DOCK2: variants seen among roughly 807,000 people sequenced by gnomAD.
DOCK2 encodes the protein dedicator of cytokinesis protein 2.
In DOCK2, 87 loss-of-function variants were observed where a neutral mutation model predicts 248.9. That is an observed-to-expected ratio of 0.35 (90% CI 0.29 to 0.42). The LOEUF (loss-of-function observed/expected upper bound fraction) is 0.42, where lower values mean the gene tolerates loss of function less well. DOCK2 is among the 10% of genes least tolerant of loss of function. The probability of loss-of-function intolerance (pLI) is 1.00; values close to 1 mark genes in which losing one functional copy is unlikely to be tolerated. For synonymous variants in DOCK2, 805 were observed against 821.6 expected, an observed-to-expected ratio of 0.98 and a Z score of 0.35; for missense variants, 1,747 against 2,300.2, an observed-to-expected ratio of 0.76 and a Z score of 4.92.
At chr5:169,753,289 C>T (rs1019270076) in intron 23 of DOCK2, among the ~76,000 whole-genome samples, 8 of 152,088 alleles carry the variant, frequency 5.3e-5, no homozygotes, top group Admixed American at 6.5e-5. Context: ...CTGCACCTAT[C>T]AACCTGTCAT....
intron 26 of DOCK2, among the ~76,000 whole-genome samples, chr5:169,817,677 T>C (rs1768152336): frequency 6.6e-6 from 1 of 152,258 alleles, no homozygotes; most frequent in Non-Finnish European, 1.5e-5. Context: ...TGTCCACCCC[T>C]GTCTCTTGGA....
At chr5:169,932,492 T>A (rs1226339048) in intron 27 of DOCK2, among the ~76,000 whole-genome samples, 1 of 152,192 alleles carries the variant, frequency 6.6e-6, no homozygotes, top group East Asian at 1.9e-4. Flanking sequence ...TGGAACATGC[T>A]TCTGGGTGTC....
intron 30 of DOCK2, among the ~76,000 whole-genome samples, chr5:170,003,197 T>G (rs1018357262): frequency 3.3e-5 from 5 of 152,256 alleles, no homozygotes; most frequent in African/African-American, 1.2e-4. Flanking sequence ...GATGCCTCGT[T>G]CTCAAATTAT....
rs1022546837 is a variant in DOCK2 at position 169,995,956 on chromosome 5, C to T, written c.2994-130C>T. The T allele has an allele frequency of 3.6e-6, 3 of 838,402 alleles. No homozygotes were observed. The African/African-American group carries it at 5.1e-5, about 14-fold the overall frequency. 51.9% of individuals were successfully genotyped at this position (838,402 alleles called of 1,614,324 possible). A position where few individuals can be genotyped will look rare whatever the true frequency, so the allele number is the denominator to read the frequency against. On this transcript the variant is annotated intron_variant, in intron 29 of 51. Coordinates refer to ENST00000520908, the MANE Select transcript of DOCK2 (RefSeq NM_004946.3). ...TAGTTGTTAATCTGCATTAGCTGACCTCTCTAAATCAGTAATTTGGCCTTT... is the reference window on the plus strand; with the variant it reads ...TAGTTGTTAATCTGCATTAGCTGACTTCTCTAAATCAGTAATTTGGCCTTT...
chr5:170,027,839 G>A (rs1284024224), intron 33 of DOCK2, 24 bp from the exon 34 acceptor site: 1 of 1,605,728 alleles, frequency 6.2e-7, no homozygotes, highest in African/African-American at 1.3e-5. Flanking sequence ...TGTTATTGTT[G>A]ATTTTTGTCT....
chr5:170,044,107 G>A (rs969457859), intron 38 of DOCK2, among the ~76,000 whole-genome samples: 10 of 152,246 alleles, frequency 6.6e-5, no homozygotes, highest in Admixed American at 3.3e-4. Flanking sequence ...CTCAGCTTTC[G>A]TTCCCTATAC....
At chr5:169,958,959 G>A (rs1031915603) in intron 27 of DOCK2, among the ~76,000 whole-genome samples, 5 of 152,176 alleles carry the variant, frequency 3.3e-5, no homozygotes, top group African/African-American at 9.7e-5. Flanking sequence ...AATGAGGCAG[G>A]TTCCTAGAAT....
intron 2 of DOCK2, among the ~76,000 whole-genome samples, chr5:169,666,922 A>G (rs1471613715): frequency 2.0e-5 from 3 of 152,344 alleles, no homozygotes; most frequent in East Asian, 3.9e-4. Context: ...ATTGAACTTG[A>G]ACCTGGGAGC....
chr5:169,699,530 C>A lies in DOCK2; in HGVS notation c.1132+72C>A. The A allele has an allele frequency of 2.1e-6, 3 of 1,444,576 alleles. No homozygotes were observed. In the South Asian group the frequency reaches 3.7e-5, roughly 18 times the overall value. 89.5% of individuals were successfully genotyped at this position (1,444,576 alleles called of 1,614,324 possible). A position where few individuals can be genotyped will look rare whatever the true frequency, so the allele number is the denominator to read the frequency against. ...GCCCCTAACTCTTCAGCAAATGAAT[C>A]AAAATCCTGAACCCTGGGATACTTA... On this transcript the variant is annotated intron_variant, in intron 12 of 51. Coordinates refer to ENST00000520908, the MANE Select transcript of DOCK2 (RefSeq NM_004946.3).
At chr5:169,702,676 T>G in intron 14 of DOCK2, 1 of 197,878 alleles carries the variant, frequency 5.1e-6, no homozygotes. Context: ...TCTTCTTGTA[T>G]GTATGTATGT....
intron 22 of DOCK2, among the ~76,000 whole-genome samples, chr5:169,721,817 T>C (rs1266183134): frequency 6.6e-6 from 1 of 152,212 alleles, no homozygotes; most frequent in African/African-American, 2.4e-5. Context: ...TTTATTTTAC[T>C]ATATTGTTCA....
chr5:169,785,326 C>T (rs1275355209), intron 25 of DOCK2, among the ~76,000 whole-genome samples: 1 of 152,078 alleles, frequency 6.6e-6, no homozygotes, highest in Non-Finnish European at 1.5e-5. Flanking sequence ...CCTTTTTATC[C>T]TTCCTAAGAA....
chr5:169,797,548 C>T (rs1766730753), intron 25 of DOCK2, among the ~76,000 whole-genome samples: 1 of 152,204 alleles, frequency 6.6e-6, no homozygotes. Flanking sequence ...ACCGCATTTT[C>T]CTCTCTGCAG....
intron 27 of DOCK2, among the ~76,000 whole-genome samples, chr5:169,922,645 A>G (rs1010566610): frequency 2.6e-5 from 4 of 152,252 alleles, no homozygotes; most frequent in African/African-American, 9.6e-5. Flanking sequence ...TAACAGATTT[A>G]TAGTGCTCAG....
chr5:169,941,495 A>G lies in DOCK2; in HGVS notation c.2800-41573A>G, dbSNP rs141803312. Among the ~76,000 whole-genome samples the G allele has an allele frequency of 3.4e-3, 525 of 152,310 alleles. 5 individuals carry two copies. In the South Asian group the frequency reaches 0.043, roughly 12 times the overall value. ...AGGTTACTGCAGGTGCAAAGGCCCC[A>G]TGGAACCAGGGCAAGTGTCTGTTGG... On this transcript the variant is annotated intron_variant, in intron 27 of 51. Coordinates refer to ENST00000520908, the MANE Select transcript of DOCK2 (RefSeq NM_004946.3).
intron 33 of DOCK2, among the ~76,000 whole-genome samples, chr5:170,020,901 A>G (rs1352012557): frequency 1.3e-5 from 2 of 152,270 alleles, no homozygotes; most frequent in South Asian, 2.1e-4. Context: ...AGAGATTCCC[A>G]GTGCATATTA....
chr5:169,877,039 C>A (rs146797172), intron 27 of DOCK2, among the ~76,000 whole-genome samples: 107 of 152,278 alleles, frequency 7.0e-4, no homozygotes, highest in African/African-American at 2.5e-3. Context: ...CATGGGGGTC[C>A]TTCTGGGGAA....
chr5:170,018,373 C>T (rs1158099497), intron 32 of DOCK2, among the ~76,000 whole-genome samples: 1 of 152,144 alleles, frequency 6.6e-6, no homozygotes, highest in Non-Finnish European at 1.5e-5. Flanking sequence ...CCCAGCTAGG[C>T]TAGAATGCCA....
At chr5:169,931,449 C>A (rs1475608998) in intron 27 of DOCK2, among the ~76,000 whole-genome samples, 4 of 152,250 alleles carry the variant, frequency 2.6e-5, no homozygotes, top group African/African-American at 9.6e-5. Context: ...GAAACTCTTT[C>A]CACCTATCCA....
Sources: allele counts gnomAD v4.1 joint callset (sites outside exome capture counted in the v4.1 genomes callset), GRCh38; gene constraint gnomAD v4.1.1; transcripts MANE v1.5; gene names NCBI Gene and HGNC (gene_info 2026-07-23, HGNC 2026-07-21).